ST6GALNAC3: variants seen among roughly 807,000 people sequenced by gnomAD.
The protein encoded by ST6GALNAC3 is alpha-N-acetylgalactosaminide alpha-2,6-sialyltransferase 3.
In ST6GALNAC3, 25 loss-of-function variants were observed where a neutral mutation model predicts 32.7. The ratio of observed to expected loss-of-function variants is 0.76; its 90% CI spans 0.56 to 1.07. ST6GALNAC3 has a LOEUF of 1.07. Ranked by LOEUF, ST6GALNAC3 falls within the 50% of genes least tolerant of loss-of-function variation. The pLI, the probability that ST6GALNAC3 is intolerant of heterozygous loss-of-function variation, is 0.00. For synonymous variants in ST6GALNAC3, 129 were observed against 133.1 expected, an observed-to-expected ratio of 0.97 and a Z score of 0.21; for missense variants, 355 against 382.4, an observed-to-expected ratio of 0.93 and a Z score of 0.60.
chr1:76,207,998 G>C (rs72998504), intron 1 of ST6GALNAC3, among the ~76,000 whole-genome samples: 19 of 152,224 alleles, frequency 1.2e-4, no homozygotes, highest in African/African-American at 4.6e-4. Flanking sequence ...GTGCTTCAGG[G>C]GGGGCCTGCA....
chr1:76,511,726 A>G (rs1571470254), intron 3 of ST6GALNAC3, among the ~76,000 whole-genome samples: 1 of 152,202 alleles, frequency 6.6e-6, no homozygotes, highest in Non-Finnish European at 1.5e-5. Flanking sequence ...AGGCAGTACA[A>G]TCATGGTGAT....
chr1:76,630,628 A>G lies in ST6GALNAC3; in HGVS notation c.*1822A>G. On this transcript the variant is annotated 3_prime_UTR_variant, in exon 5 of 5. Coordinates refer to ENST00000328299, the MANE Select transcript of ST6GALNAC3 (RefSeq NM_152996.4). ...CACTTGTAGGTCTTTACTAGTGCTAAGTATTATGGTGAGCTATCATTAAAG... is the reference window on the plus strand; with the variant it reads ...CACTTGTAGGTCTTTACTAGTGCTAGGTATTATGGTGAGCTATCATTAAAG... 9 of 985,688 alleles carry G rather than the reference A, an allele frequency of 9.1e-6. No homozygotes were observed. Among genetic ancestry groups the G allele is most frequent in the Non-Finnish European group, 1.1e-5 (9 of 829,846 alleles). 61.1% of individuals were successfully genotyped at this position (985,688 alleles called of 1,614,324 possible). A position where few individuals can be genotyped will look rare whatever the true frequency, so the allele number is the denominator to read the frequency against.
At chr1:76,599,717 CGTGTGTGTGTGTGTGTGTGTGTGTGT>C (rs5775354) in intron 3 of ST6GALNAC3, among the ~76,000 whole-genome samples, 1 of 142,026 alleles carries the variant, frequency 7.0e-6, no homozygotes. Context: ...ACTACCGTAT[CGTGTGTGTGTGTGTGTGTGTGTGTGT>C]GTGTGTGTGT....
chr1:76,337,213 T>C (rs1170043950), intron 2 of ST6GALNAC3, among the ~76,000 whole-genome samples: 1 of 152,132 alleles, frequency 6.6e-6, no homozygotes, highest in Admixed American at 6.6e-5. Context: ...AAGGGGCACA[T>C]CATTCCTGCA....
chr1:76,110,725 C>T (rs1647872223), intron 1 of ST6GALNAC3, among the ~76,000 whole-genome samples: 1 of 152,146 alleles, frequency 6.6e-6, no homozygotes, highest in South Asian at 2.1e-4. Flanking sequence ...GGTCTTTGGT[C>T]CCAACAAGTT....
At chr1:76,444,889 G>T (rs544429409) in intron 3 of ST6GALNAC3, among the ~76,000 whole-genome samples, 49 of 152,174 alleles carry the variant, frequency 3.2e-4, no homozygotes, top group African/African-American at 1.2e-3. Flanking sequence ...GGAAGATTTT[G>T]GTCATCAATC....
At chr1:76,367,637 C>G (rs941023879) in intron 2 of ST6GALNAC3, among the ~76,000 whole-genome samples, 1 of 152,112 alleles carries the variant, frequency 6.6e-6, no homozygotes, top group African/African-American at 2.4e-5. Flanking sequence ...TGAATGTCAG[C>G]TGTGATTTCA....
At chr1:76,410,999 T>G (rs1033546424) in intron 2 of ST6GALNAC3, among the ~76,000 whole-genome samples, 1 of 152,002 alleles carries the variant, frequency 6.6e-6, no homozygotes, top group Non-Finnish European at 1.5e-5. Context: ...ACAATAAAAA[T>G]TCAAGATCGA....
intron 2 of ST6GALNAC3, among the ~76,000 whole-genome samples, chr1:76,346,380 C>T (rs1326209576): frequency 1.3e-5 from 2 of 152,206 alleles, no homozygotes; most frequent in East Asian, 1.9e-4. Context: ...TCCCCAACGG[C>T]TTTCCACACT....
chr1:76,313,944 C>T lies in ST6GALNAC3; in HGVS notation c.158C>T (p.Thr53Ile). The T allele has an allele frequency of 6.2e-7, 1 of 1,613,498 alleles. No individual in the cohort carries two copies. Among genetic ancestry groups the T allele is most frequent in the Admixed American group, 1.7e-5 (1 of 59,926 alleles). ...ACAAAGTGGATACCATTCTCCTACA[C>T]ATACAGGCGGCCCCTTCGAACTCAC... Reference protein sequence around the residue: ...PGTKWIPFSYTYRRPLRTHYG... With the variant: ...PGTKWIPFSYIYRRPLRTHYG... The change falls in exon 2 of 5, where the codon ACA becomes ATA. Residue 53 changes from threonine to isoleucine, a missense_variant. Thr to Ile is a moderately conservative substitution (Grantham distance 89). Coordinates refer to ENST00000328299, the MANE Select transcript of ST6GALNAC3 (RefSeq NM_152996.4).
chr1:76,304,420 A>G (rs1660916926), intron 1 of ST6GALNAC3, among the ~76,000 whole-genome samples: 1 of 150,264 alleles, frequency 6.7e-6, no homozygotes. Flanking sequence ...CATGAACTAG[A>G]AGCCAAGGAG....
At chr1:76,530,815 A>G (rs961906225) in intron 3 of ST6GALNAC3, among the ~76,000 whole-genome samples, 1 of 152,154 alleles carries the variant, frequency 6.6e-6, no homozygotes, top group Non-Finnish European at 1.5e-5. Flanking sequence ...GATTTTTCAG[A>G]GCCAGAACTT....
chr1:76,412,686 C>G (rs1571149131), intron 3 of ST6GALNAC3, among the ~76,000 whole-genome samples: 1 of 151,882 alleles, frequency 6.6e-6, no homozygotes, highest in Non-Finnish European at 1.5e-5. Context: ...TTATTTTGTT[C>G]CATTTGCTAT....
chr1:76,357,769 T>C (rs1649603984), intron 2 of ST6GALNAC3, among the ~76,000 whole-genome samples: 1 of 152,208 alleles, frequency 6.6e-6, no homozygotes, highest in Admixed American at 6.5e-5. Flanking sequence ...GATGAGGGAA[T>C]GATAACAAAG....
At chr1:76,144,574 G>A (rs191938610) in intron 1 of ST6GALNAC3, among the ~76,000 whole-genome samples, 4 of 152,296 alleles carry the variant, frequency 2.6e-5, no homozygotes, top group East Asian at 1.9e-4. Context: ...AAAACAACAC[G>A]GAAGGATTCC....
chr1:76,449,174 G>C (rs546671060), intron 3 of ST6GALNAC3, among the ~76,000 whole-genome samples: 4 of 152,264 alleles, frequency 2.6e-5, no homozygotes, highest in Non-Finnish European at 5.9e-5. Context: ...CACATAGTAT[G>C]TTAAGTTTTT....
intron 3 of ST6GALNAC3, among the ~76,000 whole-genome samples, chr1:76,521,414 C>G (rs1225845634): frequency 2.0e-5 from 3 of 152,074 alleles, no homozygotes; most frequent in African/African-American, 7.2e-5. Flanking sequence ...CACTATGTTG[C>G]TAAGTGGGCA....
At chr1:76,435,141 A>T (rs1325624788) in intron 3 of ST6GALNAC3, among the ~76,000 whole-genome samples, 79 of 152,050 alleles carry the variant, frequency 5.2e-4, no homozygotes, top group Non-Finnish European at 2.4e-4. Context: ...TCACTTAGTT[A>T]CTCAACATCT....
intron 3 of ST6GALNAC3, among the ~76,000 whole-genome samples, chr1:76,480,121 A>G (rs1048575857): frequency 6.6e-5 from 10 of 152,308 alleles, no homozygotes; most frequent in African/African-American, 2.2e-4. Flanking sequence ...TCATGTTGTG[A>G]CATCAATTTG....
Sources: gnomAD v4.1 joint callset for allele counts (sites outside exome capture counted in the v4.1 genomes callset) on GRCh38, gnomAD v4.1.1 for gene constraint, MANE v1.5 for transcripts, NCBI Gene and HGNC (gene_info 2026-07-23, HGNC 2026-07-21) for gene names.